The following TRIO variants were observed in gnomAD, a reference collection of about 807,000 sequenced individuals.
TRIO encodes the protein triple functional domain protein.
TRIO carries 58 observed loss-of-function variants against 351.9 expected under a neutral mutation model. That is an observed-to-expected ratio of 0.16 (90% CI 0.13 to 0.21). TRIO has a LOEUF of 0.21. Among genes scored for constraint, TRIO ranks in the 10% least tolerant of loss-of-function variants. The probability of loss-of-function intolerance (pLI) is 1.00; values close to 1 mark genes in which losing one functional copy is unlikely to be tolerated. For synonymous variants in TRIO, 1,758 were observed against 1,595.7 expected (o/e 1.10, Z -2.42); for missense variants, 3,201 against 4,027.8 (o/e 0.79, Z 5.56).
chr5:14,339,432 T>C (rs961973711), intron 11 of TRIO, among the ~76,000 whole-genome samples: 3 of 152,244 alleles, frequency 2.0e-5, no homozygotes, highest in Non-Finnish European at 4.4e-5. Flanking sequence ...AATAGGAATT[T>C]CTAGTATGTA....
At chr5:14,466,795 A>G (rs1180855191) in intron 37 of TRIO, among the ~76,000 whole-genome samples, 1 of 152,212 alleles carries the variant, frequency 6.6e-6, no homozygotes, top group Admixed American at 6.5e-5. Flanking sequence ...GATTCATTCA[A>G]TTTTTAAGAC....
At chr5:14,278,338 C>T (rs1201272284) in intron 2 of TRIO, among the ~76,000 whole-genome samples, 1 of 152,226 alleles carries the variant, frequency 6.6e-6, no homozygotes, top group Non-Finnish European at 1.5e-5. Flanking sequence ...CTGCTTCTCA[C>T]ACCCGTGGTG....
At chr5:14,381,098 C>A in intron 20 of TRIO, 32 bp from the exon 21 acceptor site, 1 of 1,604,566 alleles carries the variant, frequency 6.2e-7, no homozygotes, top group South Asian at 1.1e-5. Context: ...AATGTGTAGC[C>A]CTCTGACTCC....
intron 1 of TRIO, among the ~76,000 whole-genome samples, chr5:14,194,496 A>C (rs886605762): frequency 6.6e-6 from 1 of 152,158 alleles, no homozygotes; most frequent in African/African-American, 2.4e-5. Context: ...TTTTAAGTTA[A>C]ATGTTAGGTT....
intron 2 of TRIO, among the ~76,000 whole-genome samples, chr5:14,273,703 G>C (rs1052894664): frequency 6.6e-6 from 1 of 152,152 alleles, no homozygotes; most frequent in African/African-American, 2.4e-5. Flanking sequence ...ACCAAACCTC[G>C]TAAAAATGCC....
At chr5:14,209,138 G>C (rs1791721939) in intron 1 of TRIO, among the ~76,000 whole-genome samples, 2 of 152,206 alleles carry the variant, frequency 1.3e-5, no homozygotes, top group African/African-American at 4.8e-5. Flanking sequence ...CTGAGGGCTA[G>C]TGCCGATAAC....
intron 48 of TRIO, chr5:14,488,474 C>G (rs1413315753): frequency 1.6e-6 from 1 of 644,718 alleles, no homozygotes; most frequent in East Asian, 2.8e-5. Context: ...TAAGAGCAAG[C>G]CGATCATTAA....
intron 34 of TRIO, among the ~76,000 whole-genome samples, chr5:14,423,138 A>G (rs1750320477): frequency 6.6e-6 from 1 of 152,202 alleles, no homozygotes; most frequent in South Asian, 2.1e-4. Context: ...AGCAGGATTG[A>G]ATAAGGGTTC....
intron 1 of TRIO, among the ~76,000 whole-genome samples, chr5:14,162,605 A>G (rs1020093779): frequency 5.3e-5 from 8 of 152,282 alleles, no homozygotes; most frequent in African/African-American, 1.9e-4. Flanking sequence ...AGTTCCCTGG[A>G]TATATAGAAT....
rs1581221675 is a variant in TRIO, at chr5:14,143,784, C to T, written c.59C>T (p.Ala20Val). 4.9e-6 allele frequency: 5 copies of T among 1,025,564 alleles called. No homozygotes were observed. The African/African-American group carries it at 6.9e-5, about 14-fold the overall frequency. The allele number at this position is 1,025,564 out of a possible 1,614,324, so 63.5% of individuals were successfully genotyped here. ...GCCGCGTCCTCCGGCCCCGCCGCGG[C>T]GGCCAGCGCGGCTGGCTCGGGCTGC... ...APAASSGPAAAASAAGSGCGG... is the reference protein window; with the variant it reads ...APAASSGPAAVASAAGSGCGG... Residue 20 changes from alanine to valine, a missense_variant, in exon 1 of 57, where the codon GCG becomes GTG. Around this residue, in one of 19 missense-constraint regions of TRIO, gnomAD observed 109 missense variants for 134.6 expected, o/e 0.81. Coordinates refer to ENST00000344204, the MANE Select transcript of TRIO (RefSeq NM_007118.4).
intron 33 of TRIO, among the ~76,000 whole-genome samples, chr5:14,413,460 G>A (rs1055449887): frequency 7.9e-5 from 12 of 152,214 alleles, no homozygotes; most frequent in African/African-American, 2.9e-4. Flanking sequence ...GGCATTCAGC[G>A]CACAAGAATG....
At chr5:14,195,437 T>G (rs558617269) in intron 1 of TRIO, among the ~76,000 whole-genome samples, 1 of 152,362 alleles carries the variant, frequency 6.6e-6, no homozygotes, top group Admixed American at 6.5e-5. Context: ...ACATAAACTT[T>G]GGTCACATAG....
At chr5:14,364,244 A>T (rs1744405477) in intron 14 of TRIO, among the ~76,000 whole-genome samples, 1 of 152,186 alleles carries the variant, frequency 6.6e-6, no homozygotes, top group South Asian at 2.1e-4. Flanking sequence ...TTTTTAGTTT[A>T]TGTTTTACCA....
chr5:14,471,257 A>AAGAC (rs1435782655), intron 37 of TRIO, 61 bp from the exon 38 acceptor site: 1 of 1,504,500 alleles, frequency 6.6e-7, no homozygotes, highest in East Asian at 2.3e-5. Flanking sequence ...TTCTTGTCTT[A>AAGAC]GTTTTAGCCA....
At chr5:14,371,563 A>G (rs1357489060) in intron 18 of TRIO, among the ~76,000 whole-genome samples, 1 of 152,104 alleles carries the variant, frequency 6.6e-6, no homozygotes, top group Non-Finnish European at 1.5e-5. Context: ...TACCATTATC[A>G]TATCTTTAAA....
In TRIO at chr5:14,480,408, C is replaced by T. The variant is rs558017527; in HGVS notation, c.6336+397C>T. ...CAGTAAAAGTGAATTTTTTTTCCCC[C>T]ACCACAGACCTTGGAATGCTAATGA... On this transcript the variant is annotated intron_variant, in intron 43 of 56. Transcript: ENST00000344204. 5.9e-5 allele frequency among the ~76,000 whole-genome samples: 9 copies of T among 152,126 alleles called. No homozygotes were observed. In the South Asian group the frequency reaches 1.5e-3, roughly 25 times the overall value.
intron 1 of TRIO, 92 bp downstream of exon 1, chr5:14,143,974 C>T (rs924495816): frequency 3.2e-6 from 3 of 940,270 alleles, no homozygotes; most frequent in African/African-American, 3.6e-5. Context: ...CCACCGCGCG[C>T]TGGTGCCCGC....
intron 41 of TRIO, among the ~76,000 whole-genome samples, chr5:14,478,910 A>G (rs953122770): frequency 6.6e-6 from 1 of 152,196 alleles, no homozygotes; most frequent in African/African-American, 2.4e-5. Context: ...TCCGTGAGCC[A>G]TGATCACACC....
At chr5:14,301,372 C>T (rs989268801) in intron 7 of TRIO, among the ~76,000 whole-genome samples, 5 of 152,190 alleles carry the variant, frequency 3.3e-5, no homozygotes, top group African/African-American at 1.2e-4. Context: ...CACTCTCCTG[C>T]CTTTATCCCC....
Sources: allele counts gnomAD v4.1 joint callset (sites outside exome capture counted in the v4.1 genomes callset), GRCh38; gene constraint gnomAD v4.1.1; regional missense constraint gnomAD v4.1.1; transcripts MANE v1.5; gene names NCBI Gene and HGNC (gene_info 2026-07-23, HGNC 2026-07-21).